ASTN2: variants seen among roughly 807,000 people sequenced by gnomAD.
ASTN2 encodes the protein astrotactin 2, also known as astrotactin-2.
In ASTN2, 54 loss-of-function variants were observed where a neutral mutation model predicts 139.8. That is an observed-to-expected ratio of 0.39 (90% confidence interval 0.31 to 0.48). The LOEUF (loss-of-function observed/expected upper bound fraction) is 0.48, where lower values mean the gene tolerates loss of function less well. Ranked by LOEUF, ASTN2 falls within the 20% of genes least tolerant of loss-of-function variation. ASTN2 has a pLI of 0.95. For missense variants in ASTN2, 1,565 were observed against 1,725.1 expected (o/e 0.91, Z 1.64); for synonymous variants, 756 against 719.5 (o/e 1.05, Z -0.81).
intron 6 of ASTN2, among the ~76,000 whole-genome samples, chr9:117,010,599 C>T (rs1378947639): frequency 6.6e-6 from 1 of 152,074 alleles, no homozygotes; most frequent in Non-Finnish European, 1.5e-5. Context: ...AGTGTGATAC[C>T]AATTCCCTTT....
intron 1 of ASTN2, among the ~76,000 whole-genome samples, chr9:117,343,396 G>A (rs186495873): frequency 6.6e-5 from 10 of 152,180 alleles, no homozygotes; most frequent in Middle Eastern, 3.4e-3. Flanking sequence ...AAGCTTTCTC[G>A]GATTCCTACA....
At chr9:117,312,642 G>A (rs1828011419) in intron 1 of ASTN2, among the ~76,000 whole-genome samples, 1 of 152,206 alleles carries the variant, frequency 6.6e-6, no homozygotes, top group Admixed American at 6.5e-5. Context: ...TGAAATGCCT[G>A]AGGTTTGGGA....
At position 116,697,635 on chromosome 9, in the gene ASTN2, T is replaced by C. The variant is rs1860932491; in HGVS notation, c.2806+28136A>G. On this transcript the variant is annotated intron_variant, in intron 16 of 22. Coordinates refer to ENST00000313400, the MANE Select transcript of ASTN2 (RefSeq NM_001365068.1). Reference sequence around the variant, plus strand: ...ATTTATTTATATAGTCAGAGGAAAATGAATAATGGTTTCTTTTTCTCTTTA... The same window carrying C: ...ATTTATTTATATAGTCAGAGGAAAACGAATAATGGTTTCTTTTTCTCTTTA... 5 of 1,385,298 alleles carry C rather than the reference T, an allele frequency of 3.6e-6. No individual in the cohort carries two copies. The South Asian group carries it at 6.1e-5, about 17-fold the overall frequency. 85.8% of individuals were successfully genotyped at this position (1,385,298 alleles called of 1,614,324 possible). A position where few individuals can be genotyped will look rare whatever the true frequency, so the allele number is the denominator to read the frequency against.
intron 10 of ASTN2, among the ~76,000 whole-genome samples, chr9:116,868,409 TGTCTTGGGCAA>T (rs1442672879): frequency 3.3e-5 from 5 of 152,142 alleles, no homozygotes; most frequent in Non-Finnish European, 1.5e-5. Flanking sequence ...ACTTACCCTG[TGTCTTGGGCAA>T]GTCAGAGCCC....
At position 117,259,951 on chromosome 9, in the gene ASTN2, A is replaced by G. The variant is rs138168594; in HGVS notation, c.630+31375T>C. Among the ~76,000 whole-genome samples, 6 of 152,362 alleles carry G rather than the reference A, an allele frequency of 3.9e-5. No homozygotes were observed. The East Asian group carries it at 1.2e-3, about 29-fold the overall frequency. On this transcript the variant is annotated intron_variant, in intron 2 of 22. Coordinates refer to ENST00000313400, the MANE Select transcript of ASTN2 (RefSeq NM_001365068.1). ...GTGACTTTAACAGAATAAGGTACAG[A>G]GTAAATGCTCAATAAAAGCTTTCTA...
At chr9:117,384,098 A>G (rs965094506) in intron 1 of ASTN2, among the ~76,000 whole-genome samples, 1 of 152,180 alleles carries the variant, frequency 6.6e-6, no homozygotes, top group Non-Finnish European at 1.5e-5. Flanking sequence ...TCGGTAGAGC[A>G]GCTCAAATAT....
chr9:117,023,353 G>A (rs1837949620), intron 6 of ASTN2, among the ~76,000 whole-genome samples: 1 of 152,072 alleles, frequency 6.6e-6, no homozygotes, highest in Non-Finnish European at 1.5e-5. Context: ...AAATGGTTTT[G>A]ACTGTGTTGT....
At chr9:117,095,120 A>C (rs1828807941) in intron 5 of ASTN2, among the ~76,000 whole-genome samples, 4 of 152,202 alleles carry the variant, frequency 2.6e-5, no homozygotes, top group Admixed American at 2.6e-4. Context: ...TGGACTTGTC[A>C]CAGGACCTTC....
chr9:116,426,505 TC>T (rs1228686526), intron 22 of ASTN2, among the ~76,000 whole-genome samples: 2 of 152,174 alleles, frequency 1.3e-5, no homozygotes, highest in African/African-American at 4.8e-5. Context: ...TTTATAACTA[TC>T]CTGAATGTAT....
At chr9:117,315,866 A>G (rs1254179793) in intron 1 of ASTN2, among the ~76,000 whole-genome samples, 1 of 152,224 alleles carries the variant, frequency 6.6e-6, no homozygotes, top group African/African-American at 2.4e-5. Flanking sequence ...AACTTCAGAG[A>G]GTAAAACCTC....
chr9:117,331,903 C>G (rs536327141), intron 1 of ASTN2, among the ~76,000 whole-genome samples: 6 of 152,284 alleles, frequency 3.9e-5, no homozygotes, highest in African/African-American at 1.4e-4. Context: ...TAGTTCCTCT[C>G]TCCTCAACAA....
At chr9:117,053,150 A>G (rs1237361603) in intron 5 of ASTN2, among the ~76,000 whole-genome samples, 1 of 152,124 alleles carries the variant, frequency 6.6e-6, no homozygotes, top group Non-Finnish European at 1.5e-5. Flanking sequence ...TCCTTAAAAC[A>G]ATCCTCTGTG....
intron 7 of ASTN2, among the ~76,000 whole-genome samples, chr9:116,991,575 C>A (rs530835373): frequency 7.4e-6 from 1 of 135,290 alleles, no homozygotes; most frequent in African/African-American, 2.6e-5. Flanking sequence ...GTGAATACTT[C>A]TCCCTCTTAT....
At chr9:116,597,309 T>TTTTTTTTTG (rs1854636963) in intron 19 of ASTN2, among the ~76,000 whole-genome samples, 4 of 141,554 alleles carry the variant, frequency 2.8e-5, no homozygotes, top group Admixed American at 7.2e-5. Context: ...ATTTTTTTTT[T>TTTTTTTTTG]TTTTTTTTTT....
chr9:117,288,597 C>T (rs1454876217), intron 2 of ASTN2, among the ~76,000 whole-genome samples: 1 of 152,182 alleles, frequency 6.6e-6, no homozygotes, highest in African/African-American at 2.4e-5. Flanking sequence ...GCCCAGGAGA[C>T]TTAGACAAAT....
At chr9:116,544,346 A>G (rs1012622624) in intron 19 of ASTN2, among the ~76,000 whole-genome samples, 3 of 152,198 alleles carry the variant, frequency 2.0e-5, no homozygotes, top group African/African-American at 7.2e-5. Flanking sequence ...AGCAGTCCCC[A>G]TCCTCCATTC....
At chr9:116,702,906 G>A (rs1019188343) in intron 16 of ASTN2, among the ~76,000 whole-genome samples, 6 of 152,200 alleles carry the variant, frequency 3.9e-5, no homozygotes, top group African/African-American at 9.6e-5. Context: ...TAGAATAAAC[G>A]TGGCGTGAGC....
chr9:117,116,979 A>T (rs1829412175), intron 4 of ASTN2, among the ~76,000 whole-genome samples: 1 of 152,144 alleles, frequency 6.6e-6, no homozygotes, highest in African/African-American at 2.4e-5. Context: ...CAGATTCACA[A>T]TCAACTCCTG....
At chr9:117,413,350 G>T (rs1012204279) in intron 1 of ASTN2, among the ~76,000 whole-genome samples, 2 of 152,206 alleles carry the variant, frequency 1.3e-5, no homozygotes, top group African/African-American at 4.8e-5. Flanking sequence ...GCCCGAGGCG[G>T]ATCCCGCCGA....
Sources: allele counts gnomAD v4.1 joint callset (sites outside exome capture counted in the v4.1 genomes callset), GRCh38; gene constraint gnomAD v4.1.1; transcripts MANE v1.5; gene names NCBI Gene and HGNC (gene_info 2026-07-23, HGNC 2026-07-21).